MTAP: variants seen among roughly 807,000 people sequenced by gnomAD.
The protein encoded by MTAP is S-methyl-5'-thioadenosine phosphorylase.
A neutral mutation model predicts 33.6 loss-of-function variants in MTAP; 33 were observed. The observed-to-expected ratio is 0.98, with a 90% confidence interval of 0.74 to 1.31. The LOEUF (loss-of-function observed/expected upper bound fraction) is 1.31, where lower values mean the gene tolerates loss of function less well. Among genes scored for constraint, MTAP ranks in the 40% most tolerant of loss-of-function variants. The probability of loss-of-function intolerance (pLI) is 0.00; values close to 1 mark genes in which losing one functional copy is unlikely to be tolerated. For synonymous variants in MTAP, 148 were observed against 125.7 expected, an observed-to-expected ratio of 1.18 and a Z score of -1.19; for missense variants, 367 against 360.0, an observed-to-expected ratio of 1.02 and a Z score of -0.16.
chr9:21,924,190 C>G (rs1818830803), intron 1 of MTAP, among the ~76,000 whole-genome samples: 1 of 152,130 alleles, frequency 6.6e-6, no homozygotes, highest in African/African-American at 2.4e-5. Context: ...ATGCCCTGTT[C>G]AGGAAAGGAT....
intron 1 of MTAP, among the ~76,000 whole-genome samples, chr9:21,872,328 A>C (rs1825949742): frequency 6.6e-6 from 1 of 152,238 alleles, no homozygotes; most frequent in Middle Eastern, 3.4e-3. Flanking sequence ...AAAACAAACA[A>C]CCACCAAAAA....
At chr9:21,811,594 C>A (rs1197469710) in intron 1 of MTAP, 6 of 463,830 alleles carry the variant, frequency 1.3e-5, no homozygotes, top group Non-Finnish European at 2.6e-5. Flanking sequence ...CCACTTCCAC[C>A]CTTTACACAG....
At chr9:21,831,170 G>A (rs1416110441) in intron 4 of MTAP, among the ~76,000 whole-genome samples, 1 of 152,060 alleles carries the variant, frequency 6.6e-6, no homozygotes, top group Non-Finnish European at 1.5e-5. Flanking sequence ...AACTGTCCAT[G>A]CCATTAAAGA....
At chr9:21,842,864 G>A (rs142169456) in intron 5 of MTAP, among the ~76,000 whole-genome samples, 135 of 152,178 alleles carry the variant, frequency 8.9e-4, no homozygotes, top group African/African-American at 2.5e-3. Context: ...AAAGAACAAC[G>A]TCTTTAGGCA....
intron 7 of MTAP, chr9:21,860,100 TCTG>T (rs1253319067): frequency 1.3e-5 from 2 of 152,200 alleles, no homozygotes; most frequent in East Asian, 3.8e-4. Context: ...TTTTGGGTCT[TCTG>T]GTGGTGGTGG....
intron 4 of MTAP, among the ~76,000 whole-genome samples, chr9:21,835,029 A>T (rs1305586216): frequency 1.3e-5 from 2 of 152,190 alleles, no homozygotes; most frequent in Non-Finnish European, 2.9e-5. Flanking sequence ...AATTTCTCAC[A>T]GTCCTGGAGG....
At chr9:21,903,266 G>A (rs1245809699) in intron 1 of MTAP, among the ~76,000 whole-genome samples, 4 of 152,182 alleles carry the variant, frequency 2.6e-5, no homozygotes, top group Non-Finnish European at 4.4e-5. Context: ...GCTGCAAAAC[G>A]ACGATCCATG....
At chr9:21,833,014 A>G (rs192344880) in intron 4 of MTAP, among the ~76,000 whole-genome samples, 26 of 152,318 alleles carry the variant, frequency 1.7e-4, no homozygotes, top group African/African-American at 6.3e-4. Context: ...CTCATGAAAT[A>G]TAATAGAAAA....
chr9:21,890,654 T>G (rs1818186308), intron 1 of MTAP, among the ~76,000 whole-genome samples: 1 of 152,128 alleles, frequency 6.6e-6, no homozygotes, highest in South Asian at 2.1e-4. Flanking sequence ...CCTTTACATT[T>G]TGCTGGGCTC....
At chr9:21,912,495 C>T (rs954316064) in intron 1 of MTAP, among the ~76,000 whole-genome samples, 3 of 152,068 alleles carry the variant, frequency 2.0e-5, no homozygotes, top group South Asian at 2.1e-4. Context: ...AATCAATAAA[C>T]GTAATCCACC....
intron 7 of MTAP, 174 bp from the exon 8 acceptor site, chr9:21,861,802 C>G: frequency 6.5e-6 from 4 of 614,590 alleles, no homozygotes; most frequent in Non-Finnish European, 1.2e-5. Flanking sequence ...TTAGAGTACC[C>G]GAAGTTCCAC....
intron 4 of MTAP, among the ~76,000 whole-genome samples, chr9:21,833,593 G>C (rs1340784992): frequency 6.6e-6 from 1 of 152,160 alleles, no homozygotes; most frequent in Non-Finnish European, 1.5e-5. Flanking sequence ...TATTTTAAAT[G>C]ATGGGTAGAT....
rs149631009 is a variant in MTAP at position 21,826,609 on chromosome 9, TTTATTATTATTATTA to T, written c.347+8434_347+8448del. ...AGGTGCCAGAGGTGCTGGGGTTTTG[TTTATTATTATTATTA>T]TTATTATTATTATTATTATTATTAT... On this transcript the variant is annotated intron_variant, in intron 4 of 7. Coordinates refer to ENST00000644715, the MANE Select transcript of MTAP (RefSeq NM_002451.4). 2.0e-3 allele frequency among the ~76,000 whole-genome samples: 284 copies of T among 140,894 alleles called. 1 individual carries two copies. Among genetic ancestry groups the T allele is most frequent in the African/African-American group, 6.5e-3 (242 of 37,500 alleles). The allele number at this position is 140,894 out of a possible 152,430, so 92.4% of individuals were successfully genotyped here.
rs549017007 is a variant in MTAP, at chr9:21,858,442, C to G, written c.691-861C>G. 5.9e-5 allele frequency among the ~76,000 whole-genome samples: 9 copies of G among 152,306 alleles called. No homozygotes were observed. In the East Asian group the frequency reaches 1.4e-3, roughly 23 times the overall value. On this transcript the variant is annotated intron_variant, in intron 6 of 7. Coordinates refer to ENST00000644715, the MANE Select transcript of MTAP (RefSeq NM_002451.4). ...GGACGTGATGCTGGCATCTGCTCAG[C>G]TTCTGGGGAGGCCTCAGGAAACTTC... is the stretch of plus-strand genomic sequence containing the variant.
rs1445895042 is a variant in MTAP at position 21,915,085 on chromosome 9, CTTTCTTTCT to C, written c.148-15914_148-15906del. On this transcript the variant is annotated intron_variant, in intron 1 of 1. Coordinates refer to the MTAP transcript ENST00000577563. ...CTTTCTTTCTTTCTTTCTTTCTTTC[CTTTCTTTCT>C]TTTCTTTCGGCAGAGTCTTGCCCTC... Among the ~76,000 whole-genome samples, 4 of 71,252 alleles carry C rather than the reference CTTTCTTTCT, an allele frequency of 5.6e-5. 1 individual carries two copies. The East Asian group carries it at 3.3e-3, about 58-fold the overall frequency. The allele number at this position is 71,252 out of a possible 152,430, so 46.7% of individuals were successfully genotyped here. A position where few individuals can be genotyped will look rare whatever the true frequency, so the allele number is the denominator to read the frequency against.
chr9:21,858,620 C>T (rs1315015024), intron 6 of MTAP, among the ~76,000 whole-genome samples: 1 of 152,166 alleles, frequency 6.6e-6, no homozygotes, highest in Admixed American at 6.5e-5. Flanking sequence ...GCTGCTAAAC[C>T]ATTCGTGAGA....
chr9:21,910,460 G>C (rs570595455), intron 1 of MTAP, among the ~76,000 whole-genome samples: 5 of 152,264 alleles, frequency 3.3e-5, no homozygotes, highest in African/African-American at 9.6e-5. Flanking sequence ...ATGATGATGA[G>C]AGAATTTGTC....
intron 4 of MTAP, among the ~76,000 whole-genome samples, chr9:21,822,363 A>G (rs1236440593): frequency 6.6e-5 from 10 of 152,114 alleles, no homozygotes; most frequent in South Asian, 2.1e-4. Context: ...GAACATCTTT[A>G]TTTCTGCCTT....
intron 1 of MTAP, among the ~76,000 whole-genome samples, chr9:21,872,339 C>T (rs1407354786): frequency 6.6e-6 from 1 of 152,258 alleles, no homozygotes; most frequent in Non-Finnish European, 1.5e-5. Context: ...CCACCAAAAA[C>T]TGTCTGCTCT....
Sources: allele counts gnomAD v4.1 joint callset (sites outside exome capture counted in the v4.1 genomes callset), GRCh38; gene constraint gnomAD v4.1.1; transcripts MANE v1.5; gene names NCBI Gene and HGNC (gene_info 2026-07-23, HGNC 2026-07-21).